The following SH3PXD2A variants were observed in gnomAD, a reference collection of about 807,000 sequenced individuals.
SH3PXD2A encodes the protein SH3 and PX domains 2A.
Under a neutral mutation model 115.2 loss-of-function variants are expected in SH3PXD2A, and 32 were observed. The observed-to-expected ratio is 0.28, with a 90% CI of 0.21 to 0.37. SH3PXD2A has a LOEUF of 0.37. Ranked by LOEUF, SH3PXD2A falls within the 10% of genes least tolerant of loss-of-function variation. The pLI, the probability that SH3PXD2A is intolerant of heterozygous loss-of-function variation, is 1.00. For synonymous variants in SH3PXD2A, 610 were observed against 629.1 expected (o/e 0.97, Z 0.45); for missense variants, 1,328 against 1,498.7 (o/e 0.89, Z 1.88).
At chr10:103,757,976 A>G (rs1189186601) in intron 3 of SH3PXD2A, among the ~76,000 whole-genome samples, 1 of 152,236 alleles carries the variant, frequency 6.6e-6, no homozygotes, top group African/African-American at 2.4e-5. Context: ...CACCACGAGC[A>G]CAGACAGGCT....
At chr10:103,739,975 G>A (rs759868616) in intron 3 of SH3PXD2A, among the ~76,000 whole-genome samples, 3 of 152,150 alleles carry the variant, frequency 2.0e-5, no homozygotes, top group Non-Finnish European at 4.4e-5. Context: ...TTCTCCACTG[G>A]GACTGCTGTG....
In SH3PXD2A at chr10:103,620,194, G is replaced by A. The variant is rs541189734; in HGVS notation, c.802+2276C>T. Among the ~76,000 whole-genome samples the A allele has an allele frequency of 6.5e-4, 99 of 152,336 alleles. No individual in the cohort carries two copies. Among genetic ancestry groups the A allele is most frequent in the African/African-American group, 2.3e-3 (94 of 41,592 alleles). ...CCCGTCGGAAATGGGGTTGAGGGAA[G>A]GGAGGCTGTGAGCTCCAGTGGGATC... On this transcript the variant is annotated intron_variant, in intron 10 of 14. Coordinates refer to ENST00000369774, the MANE Select transcript of SH3PXD2A (RefSeq NM_001394015.1). This position sits in a 1 kb window ranked among gnomAD's most constrained non-coding sequence, Gnocchi z 5.3.
At chr10:103,820,887 G>A (rs998790897) in intron 1 of SH3PXD2A, among the ~76,000 whole-genome samples, 8 of 152,188 alleles carry the variant, frequency 5.3e-5, no homozygotes, top group African/African-American at 1.7e-4. Flanking sequence ...TCAGGGCCGG[G>A]GAGAAACACA....
Position 103,784,224 on chromosome 10 carries a change from C to T in SH3PXD2A, c.154-17055G>A, listed in dbSNP as rs1351237941. Reference sequence around the variant, plus strand: ...TGCAGGCCTGCCCTTTTCCAGGTCCCGCCCTCCCTGGACTTCAGACCCCAA... The same window carrying T: ...TGCAGGCCTGCCCTTTTCCAGGTCCTGCCCTCCCTGGACTTCAGACCCCAA... On this transcript the variant is annotated intron_variant, in intron 2 of 14. Transcript: ENST00000369774. The surrounding 1 kb of genome is among the most constrained non-coding windows in gnomAD (Gnocchi z 4.4). Among the ~76,000 whole-genome samples the T allele has an allele frequency of 4.6e-5, 7 of 152,198 alleles. No individual in the cohort carries two copies. The highest frequency in any genetic ancestry group is 2.1e-4 in the South Asian group (1 of 4,836).
At chr10:103,686,337 T>C (rs1042760709) in intron 6 of SH3PXD2A, among the ~76,000 whole-genome samples, 1 of 152,226 alleles carries the variant, frequency 6.6e-6, no homozygotes, top group African/African-American at 2.4e-5. Flanking sequence ...CGAGGCTCCG[T>C]GGCCACCTGT....
intron 6 of SH3PXD2A, among the ~76,000 whole-genome samples, chr10:103,682,326 C>T (rs367727399): frequency 3.9e-5 from 6 of 152,262 alleles, no homozygotes; most frequent in African/African-American, 7.2e-5. Context: ...CTTTCTCCAT[C>T]GCATCACCGC....
chr10:103,622,143 T>C (rs1277613503), intron 10 of SH3PXD2A, among the ~76,000 whole-genome samples: 1 of 152,154 alleles, frequency 6.6e-6, no homozygotes, highest in African/African-American at 2.4e-5. Context: ...AATCTGCAGC[T>C]TCCAGGGCCA....
chr10:103,602,414 G>A lies in SH3PXD2A; in HGVS notation c.2804C>T (p.Ala935Val). The change falls in exon 15 of 15, where the codon GCA becomes GTA. Residue 935 changes from alanine to valine, a missense_variant. Coordinates refer to ENST00000369774, the MANE Select transcript of SH3PXD2A (RefSeq NM_001394015.1). ...SLEKIERRVQ[A>V]LNTVNQSKKA... is the part of the protein sequence containing the mutation. ...CTTGCTCTGGTTGACGGTGTTCAGT[G>A]CTTGGACGCGCCTCTCGATCTTCTC... is the stretch of plus-strand genomic sequence containing the variant. 6.2e-7 allele frequency: 1 copy of A among 1,614,132 alleles called. No homozygotes were observed. The highest frequency in any genetic ancestry group is 8.5e-7 in the Non-Finnish European group (1 of 1,180,028).
intron 8 of SH3PXD2A, among the ~76,000 whole-genome samples, chr10:103,652,415 G>A (rs1025107438): frequency 2.0e-5 from 3 of 152,168 alleles, no homozygotes; most frequent in Admixed American, 6.5e-5. Flanking sequence ...GGTCAGCACT[G>A]GAAACCCAGA....
At position 103,599,034 on chromosome 10, in the gene SH3PXD2A, G is replaced by A. The variant is rs2036178068; in HGVS notation, c.*2782C>T. ...CTCCCAGCCATCCTTGGGGCTGGAT[G>A]TCACAATGTAAACATGACCACACAA... On this transcript the variant is annotated 3_prime_UTR_variant, in exon 15 of 15. Coordinates refer to ENST00000369774, the MANE Select transcript of SH3PXD2A (RefSeq NM_001394015.1). The A allele has an allele frequency of 4.6e-5, 7 of 152,594 alleles. No individual in the cohort carries two copies. The highest frequency in any genetic ancestry group is 4.6e-4 in the Admixed American group (7 of 15,280). The allele number at this position is 152,594 out of a possible 1,614,324, so 9.5% of individuals were successfully genotyped here.
At chr10:103,711,430 G>A (rs947660595) in intron 5 of SH3PXD2A, among the ~76,000 whole-genome samples, 2 of 152,194 alleles carry the variant, frequency 1.3e-5, no homozygotes, top group African/African-American at 4.8e-5. Flanking sequence ...GAAGTTCAAA[G>A]TGAACACCCA....
chr10:103,827,965 G>A (rs2039446812), intron 1 of SH3PXD2A, among the ~76,000 whole-genome samples: 1 of 152,234 alleles, frequency 6.6e-6, no homozygotes, highest in Non-Finnish European at 1.5e-5. Flanking sequence ...GAGGCTCTAG[G>A]AAGGTGCACA....
rs759218542 is a variant in SH3PXD2A at position 103,627,041 on chromosome 10, C to T, written c.718+48G>A. 2 of 1,036,068 alleles carry T rather than the reference C, an allele frequency of 1.9e-6. No homozygotes were observed. The highest frequency in any genetic ancestry group is 3.1e-6 in the Non-Finnish European group (2 of 655,502). 64.2% of individuals were successfully genotyped at this position (1,036,068 alleles called of 1,614,324 possible). The stretch of plus-strand genomic sequence containing the variant: ...TCTAGGGAAAGAGTGAGAGAGCTGC[C>T]TCCAGAGGCCGCGTTGCTCCCTGCC... On this transcript the variant is annotated intron_variant, in intron 9 of 14. Transcript: ENST00000369774. The surrounding 1 kb of genome is among the most constrained non-coding windows in gnomAD (Gnocchi z 4.4).
chr10:103,688,526 A>G (rs1363906439), intron 6 of SH3PXD2A, among the ~76,000 whole-genome samples: 3 of 152,348 alleles, frequency 2.0e-5, no homozygotes, highest in African/African-American at 7.2e-5. Context: ...TTCGCTAAGA[A>G]GGTGACAGTT....
At chr10:103,727,010 T>A (rs2038249433) in intron 4 of SH3PXD2A, among the ~76,000 whole-genome samples, 1 of 152,342 alleles carries the variant, frequency 6.6e-6, no homozygotes, top group South Asian at 2.1e-4. Context: ...TCAGGCCCTA[T>A]CCTTGGCCCC....
chr10:103,688,193 C>T (rs958995534), intron 6 of SH3PXD2A, among the ~76,000 whole-genome samples: 3 of 152,216 alleles, frequency 2.0e-5, no homozygotes, highest in Admixed American at 1.3e-4. Context: ...CAAAGCCTCC[C>T]GCTCTCTGCT....
chr10:103,693,562 G>T (rs961952069), intron 5 of SH3PXD2A: 1 of 152,234 alleles, frequency 6.6e-6, no homozygotes, highest in African/African-American at 2.4e-5. Context: ...AGTCACTACT[G>T]AAATGTCACC....
chr10:103,635,579 G>C (rs964643173), intron 8 of SH3PXD2A, among the ~76,000 whole-genome samples: 1 of 152,228 alleles, frequency 6.6e-6, no homozygotes, highest in Non-Finnish European at 1.5e-5. Context: ...TGTTTTAGAG[G>C]AACCCTGAGA....
intron 5 of SH3PXD2A, among the ~76,000 whole-genome samples, chr10:103,696,901 G>A (rs2037831725): frequency 6.6e-6 from 1 of 152,186 alleles, no homozygotes; most frequent in African/African-American, 2.4e-5. Flanking sequence ...TGGGATGGGT[G>A]ATCTCCTGTG....
Sources: gnomAD v4.1 joint callset for allele counts (sites outside exome capture counted in the v4.1 genomes callset) on GRCh38, gnomAD v4.1.1 for gene constraint, Gnocchi (gnomAD v3.1) non-coding constraint, MANE v1.5 for transcripts, NCBI Gene and HGNC (gene_info 2026-07-23, HGNC 2026-07-21) for gene names.